The following C14orf39 variants were observed in gnomAD, a reference collection of about 807,000 sequenced individuals.
C14orf39 encodes the protein protein SIX6OS1.
Under a neutral mutation model 85.6 loss-of-function variants are expected in C14orf39, and 66 were observed. That is an observed-to-expected ratio of 0.77 (90% confidence interval 0.63 to 0.95). The LOEUF is 0.95. Among genes scored for constraint, C14orf39 ranks in the 40% least tolerant of loss-of-function variants. The probability of loss-of-function intolerance (pLI) is 0.00; values close to 1 mark genes in which losing one functional copy is unlikely to be tolerated. For synonymous variants in C14orf39, 242 were observed against 214.0 expected, an observed-to-expected ratio of 1.13 and a Z score of -1.14; for missense variants, 735 against 663.9, an observed-to-expected ratio of 1.11 and a Z score of -1.18.
intron 4 of C14orf39, among the ~76,000 whole-genome samples, chr14:60,482,982 A>AG (rs1268063910): frequency 2.0e-5 from 3 of 152,008 alleles, no homozygotes; most frequent in African/African-American, 7.2e-5. Flanking sequence ...AGAGGATGAC[A>AG]GGGTAGGGGA....
At chr14:60,440,257 C>T (rs1021148592) in intron 17 of C14orf39, among the ~76,000 whole-genome samples, 13 of 152,140 alleles carry the variant, frequency 8.5e-5, no homozygotes, top group African/African-American at 3.1e-4. Flanking sequence ...CTTTCACTTA[C>T]GTATCTAATA....
chr14:60,482,558 T>A (rs1213229200), intron 4 of C14orf39, among the ~76,000 whole-genome samples: 1 of 152,206 alleles, frequency 6.6e-6, no homozygotes. Context: ...GAGAGCAGTT[T>A]GGTATTATCG....
intron 1 of C14orf39, among the ~76,000 whole-genome samples, chr14:60,505,198 G>T (rs567673152): frequency 6.6e-6 from 1 of 152,156 alleles, no homozygotes; most frequent in Non-Finnish European, 1.5e-5. Context: ...TTGTTACAAG[G>T]TGCACAATGG....
At chr14:60,466,282 T>C (rs545962131) in intron 10 of C14orf39, among the ~76,000 whole-genome samples, 6 of 152,108 alleles carry the variant, frequency 3.9e-5, no homozygotes, top group South Asian at 4.2e-4. Context: ...CTGACAAAAC[T>C]GTACCTTTAT....
intron 16 of C14orf39, among the ~76,000 whole-genome samples, chr14:60,442,386 T>A (rs1890561536): frequency 6.6e-6 from 1 of 152,198 alleles, no homozygotes; most frequent in Non-Finnish European, 1.5e-5. Context: ...TTTAGAATCT[T>A]AATATGATAT....
chr14:60,445,245 G>A (rs1890707776), intron 16 of C14orf39, among the ~76,000 whole-genome samples: 1 of 152,122 alleles, frequency 6.6e-6, no homozygotes, highest in Admixed American at 6.5e-5. Context: ...TGGGCTAAAT[G>A]CCCCAATAAA....
In C14orf39 at chr14:60,469,229, C is replaced by A. The variant is rs189259232; in HGVS notation, c.675+304G>T. 1.2e-4 allele frequency among the ~76,000 whole-genome samples: 18 copies of A among 150,290 alleles called. No homozygotes were observed. In the Middle Eastern group the frequency reaches 0.014, roughly 118 times the overall value. On this transcript the variant is annotated intron_variant, in intron 8 of 17. Coordinates refer to ENST00000321731, the MANE Select transcript of C14orf39 (RefSeq NM_174978.3). Reference sequence around the variant, plus strand: ...GTTACTATGTTGCATCTTATTCCTTCCTCATGTTCTCTCCTCAGACCTCAA... The same window carrying A: ...GTTACTATGTTGCATCTTATTCCTTACTCATGTTCTCTCCTCAGACCTCAA...
At chr14:60,500,657 TA>T (rs1893130819) in intron 1 of C14orf39, among the ~76,000 whole-genome samples, 1 of 152,120 alleles carries the variant, frequency 6.6e-6, no homozygotes, top group South Asian at 2.1e-4. Context: ...GAAAAGGCTA[TA>T]AAACAGTATG....
chr14:60,501,902 T>C (rs1237554490), intron 1 of C14orf39, among the ~76,000 whole-genome samples: 1 of 152,164 alleles, frequency 6.6e-6, no homozygotes, highest in Non-Finnish European at 1.5e-5. Flanking sequence ...TGTTGAGAAT[T>C]TACTATGTGT....
chr14:60,505,992 T>C (rs758022797), intron 1 of C14orf39, among the ~76,000 whole-genome samples: 3 of 152,210 alleles, frequency 2.0e-5, no homozygotes, highest in Admixed American at 6.5e-5. Context: ...TGGGGGCACT[T>C]TGCCTAAATC....
Position 60,515,307 on chromosome 14 carries a change from G to A in C14orf39, c.-144+88C>T, listed in dbSNP as rs1217946474. The A allele has an allele frequency of 6.6e-6, 1 of 151,772 alleles. No homozygotes were observed. The highest frequency in any genetic ancestry group is 2.4e-5 in the African/African-American group (1 of 41,370). 9.4% of individuals were successfully genotyped at this position (151,772 alleles called of 1,614,324 possible). ...CTGGGCCCACAGTACCCGGGAAGGT[G>A]AGTCCTTACTCGGGGGCCCAGATCT... On this transcript the variant is annotated intron_variant, in intron 1 of 5. Transcript: ENST00000556799. This position sits in a 1 kb window ranked among gnomAD's most constrained non-coding sequence, Gnocchi z 6.2.
At chr14:60,447,590 C>A (rs1250316694) in intron 16 of C14orf39, among the ~76,000 whole-genome samples, 9 of 151,986 alleles carry the variant, frequency 5.9e-5, no homozygotes, top group Non-Finnish European at 1.0e-4. Context: ...GATAGAAAGA[C>A]TCAATATCGT....
Position 60,455,086 on chromosome 14 carries a change from G to C in C14orf39, c.1418C>G (p.Ser473Cys), listed in dbSNP as rs780477859. Residue 473 changes from serine to cysteine, a missense_variant, in exon 16 of 18, where the codon TCT becomes TGT. Ser to Cys is a moderately radical substitution (Grantham distance 112). Transcript: ENST00000321731. ...TCTAGAAGTATAACTCATAAGAAAA[G>C]AAAGTCCAGGGGATTCCTTTTCTGT... The part of the protein sequence containing the change: ...VQTEKESPGL[S>C]FLMSYTSRSP... The C allele has an allele frequency of 4.4e-6, 7 of 1,581,032 alleles. No individual in the cohort carries two copies. The highest frequency in any genetic ancestry group is 1.9e-5 in the Admixed American group (1 of 52,396).
At chr14:60,438,454 T>C (rs540047951) in intron 17 of C14orf39, among the ~76,000 whole-genome samples, 101 of 152,292 alleles carry the variant, frequency 6.6e-4, no homozygotes, top group African/African-American at 2.3e-3. Context: ...TTTGATTTTG[T>C]TTTTAATTTC....
chr14:60,466,745 G>A (rs58929621), intron 10 of C14orf39, among the ~76,000 whole-genome samples, 172 bp downstream of exon 10: 4,962 of 151,852 alleles, frequency 0.033, 279 homozygotes, highest in African/African-American at 0.11. Context: ...GTTACGTATA[G>A]AAGACATATT....
At chr14:60,514,739 A>C (rs541455175) in intron 1 of C14orf39, among the ~76,000 whole-genome samples, 1 of 152,366 alleles carries the variant, frequency 6.6e-6, no homozygotes, top group East Asian at 1.9e-4. Flanking sequence ...AATTTTAACA[A>C]AAAGGAAAAA....
At chr14:60,471,389 T>C in intron 7 of C14orf39, 28 bp downstream of exon 7, 1 of 1,493,374 alleles carries the variant, frequency 6.7e-7, no homozygotes, top group South Asian at 1.3e-5. Flanking sequence ...CTAATAAAAA[T>C]TATAAGTACA....
At chr14:60,471,312 C>T in intron 7 of C14orf39, 105 bp downstream of exon 7, 1 of 941,914 alleles carries the variant, frequency 1.1e-6, no homozygotes, top group Non-Finnish European at 1.6e-6. Flanking sequence ...TAATTAAACA[C>T]AAAACAAATC....
chr14:60,507,014 C>T (rs1488927056), intron 1 of C14orf39, among the ~76,000 whole-genome samples: 1 of 152,142 alleles, frequency 6.6e-6, no homozygotes, highest in African/African-American at 2.4e-5. Flanking sequence ...GACGTGTGGT[C>T]TCCTGGGGCA....
Sources: allele counts gnomAD v4.1 joint callset (sites outside exome capture counted in the v4.1 genomes callset), GRCh38; gene constraint gnomAD v4.1.1; non-coding constraint Gnocchi (gnomAD v3.1); transcripts MANE v1.5; gene names NCBI Gene and HGNC (gene_info 2026-07-23, HGNC 2026-07-21).